Variants in ZMYM2 observed in about 807,000 individuals in gnomAD.
ZMYM2 encodes zinc finger MYM-type containing 2.
Under a neutral mutation model 162.8 loss-of-function variants are expected in ZMYM2, and 56 were observed. The ratio of observed to expected loss-of-function variants is 0.34; its 90% CI spans 0.28 to 0.43. The LOEUF is 0.43. Ranked by LOEUF, ZMYM2 falls within the 20% of genes least tolerant of loss-of-function variation. The pLI is 1.00. For missense variants in ZMYM2, 1,275 were observed against 1,621.8 expected, an observed-to-expected ratio of 0.79 and a Z score of 3.67; for synonymous variants, 510 against 541.6, an observed-to-expected ratio of 0.94 and a Z score of 0.81.
At chr13:20,081,965 T>G in intron 21 of ZMYM2, 51 bp from the exon 22 acceptor site, 1 of 1,168,900 alleles carries the variant, frequency 8.6e-7, no homozygotes. Context: ...TTTACTATAA[T>G]TAGCTGATTT....
chr13:19,925,600 C>T, the ZMYM2 span, among the ~76,000 whole-genome samples: 21 of 152,086 alleles, frequency 1.4e-4, no homozygotes, highest in Non-Finnish European at 2.1e-4. Context: ...TGGCCAGGTG[C>T]GGTGGCTCAT....
chr13:19,962,804 G>A (rs111986502), intron 2 of ZMYM2, among the ~76,000 whole-genome samples: 8,237 of 146,124 alleles, frequency 0.056, 263 homozygotes, highest in Middle Eastern at 0.095. Context: ...GATTACAGGC[G>A]TAAGCCACCT....
intron 2 of ZMYM2, among the ~76,000 whole-genome samples, chr13:19,989,683 T>C (rs191387484): frequency 6.6e-5 from 10 of 152,354 alleles, no homozygotes; most frequent in Admixed American, 5.2e-4. Context: ...TATACTCTTA[T>C]TTTAAAATGT....
chr13:20,028,149 A>G (rs967774035), intron 9 of ZMYM2: 2 of 163,568 alleles, frequency 1.2e-5, no homozygotes, highest in Admixed American at 6.4e-5. Flanking sequence ...TAGTATTTAA[A>G]TTGAGGTGTT....
chr13:19,972,058 ATTAT>A (rs1317440115), intron 2 of ZMYM2, among the ~76,000 whole-genome samples: 3 of 152,172 alleles, frequency 2.0e-5, no homozygotes, highest in Admixed American at 1.3e-4. Context: ...GAGAGAAGAA[ATTAT>A]TTCTTACCTC....
chr13:20,061,363 T>C, intron 17 of ZMYM2, 139 bp downstream of exon 17: 8 of 828,432 alleles, frequency 9.7e-6, no homozygotes, highest in Non-Finnish European at 1.3e-5. Flanking sequence ...AAAATGTTTT[T>C]TATATTAAGA....
chr13:19,884,245 C>G, the ZMYM2 span, among the ~76,000 whole-genome samples: 2 of 152,046 alleles, frequency 1.3e-5, no homozygotes, highest in African/African-American at 2.4e-5. Context: ...AGGGTTGTGT[C>G]CAGTATTTAT....
chr13:19,909,986 C>T, the ZMYM2 span, among the ~76,000 whole-genome samples: 17 of 150,700 alleles, frequency 1.1e-4, no homozygotes, highest in Non-Finnish European at 1.3e-4. Flanking sequence ...AAGGCCGAGG[C>T]GGGCGGATCA....
At chr13:20,001,256 G>A (rs918643885) in intron 3 of ZMYM2, among the ~76,000 whole-genome samples, 1 of 152,038 alleles carries the variant, frequency 6.6e-6, no homozygotes, top group South Asian at 2.1e-4. Context: ...GCTAGGTGTG[G>A]TGGCACACAC....
intron 21 of ZMYM2, among the ~76,000 whole-genome samples, chr13:20,081,727 A>G (rs924706314): frequency 1.3e-5 from 2 of 152,120 alleles, no homozygotes; most frequent in African/African-American, 4.8e-5. Flanking sequence ...ACGGGAGTCA[A>G]ATATTCTTTT....
intron 19 of ZMYM2, 193 bp from the exon 20 acceptor site, chr13:20,066,658 T>C (rs1956700980): frequency 2.3e-6 from 1 of 425,556 alleles, no homozygotes; most frequent in Non-Finnish European, 4.0e-6. Flanking sequence ...GGTGGCACGA[T>C]TGGAAGAGGT....
chr13:20,046,567 AT>A (rs1435151237), intron 12 of ZMYM2, among the ~76,000 whole-genome samples: 1,535 of 48,508 alleles, frequency 0.032, 34 homozygotes, highest in African/African-American at 0.086. Flanking sequence ...AAAAAAAAAT[AT>A]ATATATATAT....
chr13:19,879,417 T>TAC, the ZMYM2 span, among the ~76,000 whole-genome samples: 4 of 152,184 alleles, frequency 2.6e-5, no homozygotes, highest in Non-Finnish European at 4.4e-5. Flanking sequence ...TGTATTTTTC[T>TAC]ACAAAAAATA....
intron 16 of ZMYM2, among the ~76,000 whole-genome samples, chr13:20,060,197 G>GT (rs1452519549): frequency 6.6e-6 from 1 of 152,178 alleles, no homozygotes. Flanking sequence ...GCAGTTACTA[G>GT]TTTAATGAAG....
chr13:19,886,162 C>CTTTTTTTTTTTTTTTTTTTTTTTTTT, the ZMYM2 span, among the ~76,000 whole-genome samples: 1 of 98,448 alleles, frequency 1.0e-5, no homozygotes, highest in Non-Finnish European at 1.9e-5. Flanking sequence ...TTCTTTCTTT[C>CTTTTTTTTTTTTTTTTTTTTTTTTTT]TTTTTTTTTT....
intron 1 of ZMYM2, among the ~76,000 whole-genome samples, chr13:19,959,206 G>A (rs1291697447): frequency 2.0e-5 from 3 of 148,632 alleles, no homozygotes; most frequent in Non-Finnish European, 4.5e-5. Flanking sequence ...GCGGGGCGGG[G>A]GTGCCGGCCG....
At chr13:20,019,203 TAA>T (rs772736529) in intron 6 of ZMYM2, among the ~76,000 whole-genome samples, 1 of 150,072 alleles carries the variant, frequency 6.7e-6, no homozygotes, top group Non-Finnish European at 1.5e-5. Flanking sequence ...AGTTTCATTA[TAA>T]GTGTTAACAG....
the ZMYM2 span, among the ~76,000 whole-genome samples, chr13:19,897,257 C>A: frequency 6.6e-6 from 1 of 152,216 alleles, no homozygotes; most frequent in East Asian, 1.9e-4. Context: ...GGCAATAGTA[C>A]GTCCTTCTCT....
intron 2 of ZMYM2, among the ~76,000 whole-genome samples, chr13:19,963,985 T>C (rs1269328403): frequency 2.0e-5 from 3 of 152,344 alleles, no homozygotes; most frequent in African/African-American, 7.2e-5. Flanking sequence ...ATCAATGCTC[T>C]TTAATTTGAA....
Sources: gnomAD v4.1 joint callset for allele counts (sites outside exome capture counted in the v4.1 genomes callset) on GRCh38, gnomAD v4.1.1 for gene constraint, MANE v1.5 for transcripts, NCBI Gene and HGNC (gene_info 2026-07-23, HGNC 2026-07-21) for gene names.